The following PAK5 variants were observed in gnomAD, a reference collection of about 807,000 sequenced individuals.
PAK5 encodes serine/threonine-protein kinase PAK 5.
Under a neutral mutation model 65.9 loss-of-function variants are expected in PAK5, and 16 were observed. The ratio of observed to expected loss-of-function variants is 0.24; its 90% CI spans 0.16 to 0.37. PAK5 has a LOEUF of 0.37. Among genes scored for constraint, PAK5 ranks in the 10% least tolerant of loss-of-function variants. The pLI, the probability that PAK5 is intolerant of heterozygous loss-of-function variation, is 1.00. For synonymous variants in PAK5, 371 were observed against 354.9 expected (o/e 1.05, Z -0.51); for missense variants, 785 against 903.9 (o/e 0.87, Z 1.69).
At position 9,539,151 on chromosome 20, in the gene PAK5, G is replaced by A. The variant is rs2045217465; in HGVS notation, c.*311C>T. 3 of 245,062 alleles carry A rather than the reference G, an allele frequency of 1.2e-5. No homozygotes were observed. Among genetic ancestry groups the A allele is most frequent in the Non-Finnish European group, 2.3e-5 (3 of 131,660 alleles). 15.2% of individuals were successfully genotyped at this position (245,062 alleles called of 1,614,324 possible). ...TATAGAAAATCCTACATGTTACCCT[G>A]CATGTGGCTAGGATATATCATAACG... On this transcript the variant is annotated 3_prime_UTR_variant, in exon 10 of 10. Coordinates refer to ENST00000353224, the MANE Select transcript of PAK5 (RefSeq NM_177990.4).
chr20:9,633,034 G>T lies in PAK5; in HGVS notation c.204+11091C>A, dbSNP rs546938400. Among the ~76,000 whole-genome samples the T allele has an allele frequency of 1.4e-4, 21 of 152,224 alleles. 1 individual carries two copies. Among genetic ancestry groups the T allele is most frequent in the African/African-American group, 4.6e-4 (19 of 41,530 alleles). ...TCTCTAATTGAAAAGGCTGGTATGGGGCTAAGTAAGATAGTATCAGTCAGT... is the reference window on the plus strand; with the variant it reads ...TCTCTAATTGAAAAGGCTGGTATGGTGCTAAGTAAGATAGTATCAGTCAGT... On this transcript the variant is annotated intron_variant, in intron 3 of 9. Coordinates refer to ENST00000353224, the MANE Select transcript of PAK5 (RefSeq NM_177990.4).
At chr20:9,713,278 T>C (rs980726620) in intron 1 of PAK5, among the ~76,000 whole-genome samples, 1 of 151,870 alleles carries the variant, frequency 6.6e-6, no homozygotes, top group African/African-American at 2.4e-5. Flanking sequence ...ACATCACTAA[T>C]CATCAGGGAA....
At chr20:9,727,956 T>A (rs1032148975) in intron 1 of PAK5, among the ~76,000 whole-genome samples, 1 of 152,076 alleles carries the variant, frequency 6.6e-6, no homozygotes, top group Admixed American at 6.5e-5. Context: ...CTCATTTTCT[T>A]TTATTGGAGA....
intron 3 of PAK5, among the ~76,000 whole-genome samples, chr20:9,637,292 C>T (rs995756802): frequency 6.6e-6 from 1 of 152,162 alleles, no homozygotes. Flanking sequence ...AGGCATGTGC[C>T]CACCCAAGAA....
chr20:9,560,660 C>A (rs1281600103), intron 6 of PAK5, among the ~76,000 whole-genome samples: 5 of 152,148 alleles, frequency 3.3e-5, no homozygotes, highest in Non-Finnish European at 7.4e-5. Context: ...CCATGCCTGG[C>A]CAATAATATT....
At chr20:9,746,102 T>C (rs920918749) in intron 1 of PAK5, among the ~76,000 whole-genome samples, 25 of 152,168 alleles carry the variant, frequency 1.6e-4, no homozygotes, top group African/African-American at 5.5e-4. Flanking sequence ...TATCTGGTAA[T>C]GATCTTCCAA....
intron 1 of PAK5, among the ~76,000 whole-genome samples, chr20:9,756,752 A>T (rs2048638715): frequency 6.6e-6 from 1 of 152,120 alleles, no homozygotes; most frequent in African/African-American, 2.4e-5. Context: ...TTAGTGTCTC[A>T]CATTAAACTT....
chr20:9,616,720 A>G (rs2046664407), intron 3 of PAK5, among the ~76,000 whole-genome samples: 1 of 152,124 alleles, frequency 6.6e-6, no homozygotes, highest in Non-Finnish European at 1.5e-5. Flanking sequence ...AGGCCCAGAG[A>G]GCCAAGCAAA....
At chr20:9,645,588 C>CTT (rs767530143) in intron 2 of PAK5, among the ~76,000 whole-genome samples, 2 of 144,802 alleles carry the variant, frequency 1.4e-5, no homozygotes. Flanking sequence ...TCCTACACTT[C>CTT]TTTTTTTTTT....
At chr20:9,745,980 A>T (rs1327310142) in intron 1 of PAK5, among the ~76,000 whole-genome samples, 1 of 152,148 alleles carries the variant, frequency 6.6e-6, no homozygotes, top group Non-Finnish European at 1.5e-5. Flanking sequence ...TCAAGAGAGG[A>T]TATGCATCAA....
chr20:9,790,069 T>C (rs2049033880), intron 1 of PAK5, among the ~76,000 whole-genome samples: 1 of 152,122 alleles, frequency 6.6e-6, no homozygotes. Flanking sequence ...ATCTACCCCA[T>C]TTCCCAAACA....
intron 1 of PAK5, among the ~76,000 whole-genome samples, chr20:9,813,536 T>G (rs1240424735): frequency 6.6e-6 from 1 of 152,080 alleles, no homozygotes; most frequent in East Asian, 1.9e-4. Context: ...CACCAAAAAA[T>G]GTTCAGTAAC....
At chr20:9,712,446 C>T (rs1386288632) in intron 1 of PAK5, among the ~76,000 whole-genome samples, 1 of 151,988 alleles carries the variant, frequency 6.6e-6, no homozygotes, top group Non-Finnish European at 1.5e-5. Context: ...CTCTGCTGTC[C>T]TATTAAAAAG....
chr20:9,692,881 T>C (rs574807784), intron 2 of PAK5, among the ~76,000 whole-genome samples: 195 of 152,072 alleles, frequency 1.3e-3, no homozygotes, highest in African/African-American at 4.5e-3. Context: ...TAAAAAAAAT[T>C]AAATAAATAA....
chr20:9,791,939 C>A (rs924209041), intron 1 of PAK5, among the ~76,000 whole-genome samples: 5 of 152,056 alleles, frequency 3.3e-5, no homozygotes, highest in Non-Finnish European at 7.4e-5. Context: ...CATGTGAAAC[C>A]TCATTTATGG....
intron 1 of PAK5, among the ~76,000 whole-genome samples, chr20:9,763,326 G>A (rs139603009): frequency 4.7e-4 from 72 of 152,172 alleles, no homozygotes; most frequent in African/African-American, 1.7e-3. Flanking sequence ...AACTTTGGGA[G>A]GTGATGGATA....
chr20:9,817,867 A>G (rs886855960), intron 1 of PAK5, among the ~76,000 whole-genome samples: 2 of 152,174 alleles, frequency 1.3e-5, no homozygotes, highest in Non-Finnish European at 2.9e-5. Context: ...ATGAGGTCAC[A>G]CCTGGTGAAG....
intron 3 of PAK5, among the ~76,000 whole-genome samples, chr20:9,633,505 A>G (rs2046948125): frequency 6.6e-6 from 1 of 152,210 alleles, no homozygotes; most frequent in Non-Finnish European, 1.5e-5. Context: ...TAAGTGCCAC[A>G]AAAGAATAAA....
In PAK5 at chr20:9,821,963, G is replaced by A. The variant is rs563344825; in HGVS notation, c.-162+16799C>T. Among the ~76,000 whole-genome samples, 10 of 152,278 alleles carry A rather than the reference G, an allele frequency of 6.6e-5. No individual in the cohort carries two copies. The East Asian group carries it at 1.5e-3, about 24-fold the overall frequency. On this transcript the variant is annotated intron_variant, in intron 1 of 9. Transcript: ENST00000353224. ...TAGAGTTCCAAATAATGCCATGGAA[G>A]ATACAGCTTATCAACTGGTCCACCA...
Sources: allele counts gnomAD v4.1 joint callset (sites outside exome capture counted in the v4.1 genomes callset), GRCh38; gene constraint gnomAD v4.1.1; transcripts MANE v1.5; gene names NCBI Gene and HGNC (gene_info 2026-07-23, HGNC 2026-07-21).